PAX3: variants seen among roughly 807,000 people sequenced by gnomAD.
PAX3 encodes paired box 3, also known as paired box protein Pax-3.
PAX3 carries 14 observed loss-of-function variants against 51.6 expected under a neutral mutation model. That is an observed-to-expected ratio of 0.27 (90% CI 0.18 to 0.42). PAX3 has a LOEUF of 0.42. Among genes scored for constraint, PAX3 ranks in the 10% least tolerant of loss-of-function variants. The probability of loss-of-function intolerance (pLI) is 1.00; values close to 1 mark genes in which losing one functional copy is unlikely to be tolerated. For missense variants in PAX3, 540 were observed against 642.8 expected (o/e 0.84, Z 1.73); for synonymous variants, 280 against 253.4 (o/e 1.11, Z -1.00).
intron 4 of PAX3, among the ~76,000 whole-genome samples, chr2:222,238,967 C>G (rs1465353183): frequency 1.3e-5 from 2 of 152,208 alleles, no homozygotes; most frequent in Non-Finnish European, 1.5e-5. Context: ...GGACAACTAA[C>G]TGTTTTCTGA....
chr2:222,297,234 G>T (rs1251039183), intron 1 of PAX3, 21 bp from the exon 2 acceptor site: 1 of 1,523,236 alleles, frequency 6.6e-7, no homozygotes, highest in South Asian at 1.2e-5. Context: ...GTGAAAAAGA[G>T]AAGCAAGGGA....
rs538133010 is a variant in PAX3, at chr2:222,254,160, A to T, written c.587-21877T>A. Among the ~76,000 whole-genome samples, 209 of 146,322 alleles carry T rather than the reference A, an allele frequency of 1.4e-3. 2 individuals are homozygous for T. In the South Asian group the frequency reaches 0.029, roughly 20 times the overall value. On this transcript the variant is annotated intron_variant, in intron 4 of 8. Transcript: ENST00000392070. ...ATGCCTATTGCAAATTTTTTTTTTA[A>T]AAAAAAGTTTCACTTTAAGTATTCA...
intron 4 of PAX3, among the ~76,000 whole-genome samples, chr2:222,232,572 AG>A (rs1413067900): frequency 6.6e-6 from 1 of 152,132 alleles, no homozygotes; most frequent in Non-Finnish European, 1.5e-5. Context: ...TCTGCCCCCT[AG>A]GCAGAAATAA....
intron 4 of PAX3, among the ~76,000 whole-genome samples, chr2:222,242,879 A>AG (rs2106113046): frequency 6.6e-6 from 1 of 152,344 alleles, no homozygotes; most frequent in Admixed American, 6.5e-5. Context: ...TAATTGACAA[A>AG]GACAAAGTAC....
intron 4 of PAX3, among the ~76,000 whole-genome samples, chr2:222,257,982 C>G (rs1693711392): frequency 6.6e-6 from 1 of 152,206 alleles, no homozygotes; most frequent in African/African-American, 2.4e-5. Flanking sequence ...GAAAAAAGAA[C>G]TGCTCCAAGA....
chr2:222,215,127 T>A (rs970637651), intron 7 of PAX3, among the ~76,000 whole-genome samples: 1 of 152,038 alleles, frequency 6.6e-6, no homozygotes, highest in Non-Finnish European at 1.5e-5. Flanking sequence ...TTAAAATGAA[T>A]GTAGGAAAGG....
At chr2:222,269,452 A>AAGCACGTTTTT (rs1694172392) in intron 4 of PAX3, among the ~76,000 whole-genome samples, 2 of 152,208 alleles carry the variant, frequency 1.3e-5, no homozygotes, top group African/African-American at 4.8e-5. Flanking sequence ...ATTTGCAGAT[A>AAGCACGTTTTT]AGCACGTTTT....
intron 4 of PAX3, among the ~76,000 whole-genome samples, chr2:222,290,049 G>A (rs528341826): frequency 6.6e-6 from 1 of 152,178 alleles, no homozygotes; most frequent in South Asian, 2.1e-4. Context: ...TTCGTCCCCC[G>A]CCTTCCCCTC....
intron 4 of PAX3, among the ~76,000 whole-genome samples, chr2:222,279,790 T>C (rs1448592400): frequency 6.6e-6 from 1 of 152,160 alleles, no homozygotes; most frequent in Admixed American, 6.5e-5. Flanking sequence ...AGTAATTCAA[T>C]AAAATTATGA....
rs370392717 is a variant in PAX3 at position 222,252,189 on chromosome 2, T to C, written c.587-19906A>G. Among the ~76,000 whole-genome samples, 190 of 152,312 alleles carry C rather than the reference T, an allele frequency of 1.2e-3. 2 individuals carry two copies. The South Asian group carries it at 0.026, about 21-fold the overall frequency. On this transcript the variant is annotated intron_variant, in intron 4 of 8. Transcript: ENST00000392070. ...CATTCCTATATTTTCTATGGCCGCA[T>C]GCTACAACAGCAGAGCTGAGTAGTG... is the stretch of plus-strand genomic sequence containing the variant.
At chr2:222,215,174 G>A (rs915018724) in intron 7 of PAX3, among the ~76,000 whole-genome samples, 15 of 151,776 alleles carry the variant, frequency 9.9e-5, no homozygotes, top group Non-Finnish European at 2.9e-5. Context: ...GGCTTCATAG[G>A]GAAAAAAATG....
At chr2:222,215,127 T>C (rs970637651) in intron 7 of PAX3, among the ~76,000 whole-genome samples, 5 of 152,156 alleles carry the variant, frequency 3.3e-5, no homozygotes, top group African/African-American at 4.8e-5. Context: ...TTAAAATGAA[T>C]GTAGGAAAGG....
chr2:222,221,801 A>T (rs1692205063), intron 5 of PAX3: 1 of 210,108 alleles, frequency 4.8e-6, no homozygotes, highest in Non-Finnish European at 9.8e-6. Flanking sequence ...TTTTACTCCA[A>T]GCCTTGTATT....
chr2:222,272,436 A>G (rs1278479372), intron 4 of PAX3, among the ~76,000 whole-genome samples: 1 of 152,230 alleles, frequency 6.6e-6, no homozygotes, highest in Non-Finnish European at 1.5e-5. Flanking sequence ...GTTATGAAGT[A>G]ATAAGAATTT....
intron 7 of PAX3, among the ~76,000 whole-genome samples, chr2:222,215,492 G>C (rs1269486253): frequency 3.9e-5 from 6 of 152,008 alleles, no homozygotes; most frequent in African/African-American, 4.8e-5. Flanking sequence ...GAAGTCGGGT[G>C]GGGGGTGAGG....
intron 7 of PAX3, among the ~76,000 whole-genome samples, chr2:222,217,182 T>C (rs1559261032): frequency 6.6e-6 from 1 of 152,214 alleles, no homozygotes; most frequent in Admixed American, 6.5e-5. Context: ...TTCTACTTTA[T>C]AGACACTTTT....
intron 7 of PAX3, among the ~76,000 whole-genome samples, chr2:222,217,612 C>T (rs1978859): frequency 0.47 from 40,446 of 86,528 alleles, 6,145 homozygotes; most frequent in South Asian, 0.53. Flanking sequence ...GTAATCATAA[C>T]GCTATTAGTT....
At chr2:222,276,718 C>T (rs1205178317) in intron 4 of PAX3, among the ~76,000 whole-genome samples, 1 of 152,194 alleles carries the variant, frequency 6.6e-6, no homozygotes, top group Non-Finnish European at 1.5e-5. Flanking sequence ...CCTAACACAA[C>T]CTTTACAGCT....
At position 222,220,162 on chromosome 2, in the gene PAX3, A is replaced by G. The variant is rs139806736; in HGVS notation, c.1151T>C (p.Ile384Thr). 181 of 1,613,800 alleles carry G rather than the reference A, an allele frequency of 1.1e-4. No individual in the cohort carries two copies. Among genetic ancestry groups the G allele is most frequent in the Non-Finnish European group, 1.3e-4 (158 of 1,179,862 alleles). The change falls in exon 7 of 9, where the codon ATT (isoleucine) becomes ACT (threonine). Residue 384 changes from isoleucine (I) to threonine (T), a missense_variant. Around this residue, in one of 3 missense-constraint regions of PAX3, gnomAD observed 427 missense variants for 483.6 expected, o/e 0.88. Coordinates refer to ENST00000392070, the MANE Select transcript of PAX3 (RefSeq NM_181458.4). ...GACCTGAGGTGAGAGGCCATTGCCA[A>G]TGGTGGGGTTCATGGGGTTGGAGGG... ...SGPSNPMNPT[I>T]GNGLSPQVMG... is the part of the protein sequence containing the mutation.
Sources: allele counts gnomAD v4.1 joint callset (sites outside exome capture counted in the v4.1 genomes callset), GRCh38; gene constraint gnomAD v4.1.1; regional missense constraint gnomAD v4.1.1; transcripts MANE v1.5; gene names NCBI Gene and HGNC (gene_info 2026-07-23, HGNC 2026-07-21).